FGF20: variants seen among roughly 807,000 people sequenced by gnomAD.
The protein encoded by FGF20 is fibroblast growth factor 20.
Under a neutral mutation model 16.7 loss-of-function variants are expected in FGF20, and 8 were observed. The ratio of observed to expected loss-of-function variants is 0.48; its 90% CI spans 0.28 to 0.87. The LOEUF (loss-of-function observed/expected upper bound fraction) is 0.87, where lower values mean the gene tolerates loss of function less well. Among genes scored for constraint, FGF20 ranks in the 40% least tolerant of loss-of-function variants. FGF20 has a pLI of 0.10. For missense variants in FGF20, 397 were observed against 281.4 expected (o/e 1.41, Z -2.94); for synonymous variants, 161 against 118.6 (o/e 1.36, Z -2.32).
rs1396779442 is a variant in FGF20 at position 16,992,985 on chromosome 8, G to A, written c.*87C>T. 6.3e-6 allele frequency: 9 copies of A among 1,428,948 alleles called. No homozygotes were observed. Among genetic ancestry groups the A allele is most frequent in the East Asian group, 2.3e-5 (1 of 43,226 alleles). 88.5% of individuals were successfully genotyped at this position (1,428,948 alleles called of 1,614,324 possible). A position where few individuals can be genotyped will look rare whatever the true frequency, so the allele number is the denominator to read the frequency against. ...GAAAATAGACTTTAATATTTTGAAC[G>A]TCTCCTTGGGTCATTATTTTATGAT... On this transcript the variant is annotated 3_prime_UTR_variant, in exon 3 of 3. Coordinates refer to ENST00000180166, the MANE Select transcript of FGF20 (RefSeq NM_019851.3).
At chr8:16,996,433 A>G (rs1810048867) in intron 1 of FGF20, among the ~76,000 whole-genome samples, 1 of 152,148 alleles carries the variant, frequency 6.6e-6, no homozygotes, top group Admixed American at 6.5e-5. Context: ...ACCTCCTCAT[A>G]TGCAAAATGG....
Position 17,001,736 on chromosome 8 carries a change from C to T in FGF20, c.286+11G>A, listed in dbSNP as rs1300877852. 2.5e-6 allele frequency: 4 copies of T among 1,573,506 alleles called. No individual in the cohort carries two copies. Among genetic ancestry groups the T allele is most frequent in the Middle Eastern group, 2.3e-4 (1 of 4,390 alleles). ...CGCAGATGGGGGTGGGGTCGGGATG[C>T]TAGTACGTACCGAAGAGGCTGTGGT... On this transcript the variant is annotated intron_variant, in intron 1 of 2. Transcript: ENST00000180166.
chr8:16,998,762 T>C (rs1810115359), intron 1 of FGF20, among the ~76,000 whole-genome samples: 1 of 152,100 alleles, frequency 6.6e-6, no homozygotes. Context: ...GGCTAAACTT[T>C]TTTTTTTTCA....
chr8:16,997,639 T>C (rs1256919024), intron 1 of FGF20, among the ~76,000 whole-genome samples: 1 of 152,130 alleles, frequency 6.6e-6, no homozygotes, highest in Non-Finnish European at 1.5e-5. Flanking sequence ...AAATAGTCTA[T>C]AAGTGGCTTG....
At chr8:16,994,266 A>G (rs538648310) in intron 2 of FGF20, among the ~76,000 whole-genome samples, 9 of 152,326 alleles carry the variant, frequency 5.9e-5, no homozygotes, top group African/African-American at 2.2e-4. Flanking sequence ...GCTAAGAACC[A>G]AATTCCAAAT....
chr8:16,994,079 T>C (rs1381818612), intron 2 of FGF20, among the ~76,000 whole-genome samples: 2 of 152,094 alleles, frequency 1.3e-5, no homozygotes, highest in Admixed American at 1.3e-4. Flanking sequence ...CAAATGTCAG[T>C]TCCCAATTTT....
In FGF20 at chr8:17,002,046, C is replaced by A; in HGVS notation, c.-14G>T. 2.0e-6 allele frequency: 3 copies of A among 1,533,382 alleles called. No individual in the cohort carries two copies. The highest frequency in any genetic ancestry group is 2.0e-5 in the Admixed American group (1 of 49,390). 95.0% of individuals were successfully genotyped at this position (1,533,382 alleles called of 1,614,324 possible). On this transcript the variant is annotated 5_prime_UTR_variant, in exon 1 of 3. Coordinates refer to ENST00000180166, the MANE Select transcript of FGF20 (RefSeq NM_019851.3). Reference sequence around the variant, plus strand: ...TAAGGGAGCCATGGAGGGGGAGATCCGGAACACAAAAGACCCCCCCAGTAA... The same window carrying A: ...TAAGGGAGCCATGGAGGGGGAGATCAGGAACACAAAAGACCCCCCCAGTAA...
At position 16,993,160 on chromosome 8, in the gene FGF20, C is replaced by T. The variant is rs753990768; in HGVS notation, c.548G>A (p.Arg183Lys). The T allele has an allele frequency of 6.2e-5, 100 of 1,613,858 alleles. No individual in the cohort carries two copies. Among genetic ancestry groups the T allele is most frequent in the Non-Finnish European group, 8.0e-5 (94 of 1,179,994 alleles). Residue 183 changes from arginine (R) to lysine (K), a missense_variant, in exon 3 of 3, where the codon AGG (arginine) becomes AAG (lysine). By Grantham distance (26) the Arg-to-Lys change is conservative. Coordinates refer to ENST00000180166, the MANE Select transcript of FGF20 (RefSeq NM_019851.3). Reference protein sequence around the residue: ...GTPRDGARSKRHQKFTHFLPR... With the variant: ...GTPRDGARSKKHQKFTHFLPR... ...TAAGAAATGTGTAAATTTCTGATGC[C>T]TCTTGGACCTGGCGCCATCTCTTGG...
chr8:16,999,125 C>T (rs1378624905), intron 1 of FGF20, among the ~76,000 whole-genome samples: 2 of 152,250 alleles, frequency 1.3e-5, no homozygotes, highest in South Asian at 2.1e-4. Flanking sequence ...ATATTGAAGG[C>T]CGCTAGGATG....
chr8:17,001,142 G>T (rs541272983), intron 1 of FGF20, among the ~76,000 whole-genome samples: 1 of 148,888 alleles, frequency 6.7e-6, no homozygotes, highest in Non-Finnish European at 1.5e-5. Context: ...ATGTGCCCAC[G>T]GAAAGTTAAT....
rs532205949 is a variant in FGF20, at chr8:16,995,686, C to G, written c.359G>C (p.Gly120Ala). ...ATAGAGTTCTCCTTTGTCATTCATT[C>G]CAAGATAGAGACCACTGTCCACACC... ...IRGVDSGLYL[G>A]MNDKGELYGS... The change falls in exon 2 of 3, where the codon GGA becomes GCA. Residue 120 changes from glycine to alanine, a missense_variant. Transcript: ENST00000180166. The G allele has an allele frequency of 6.2e-7, 1 of 1,602,488 alleles. No individual in the cohort carries two copies. The highest frequency in any genetic ancestry group is 2.2e-5 in the East Asian group (1 of 44,784).
intron 1 of FGF20, among the ~76,000 whole-genome samples, chr8:16,996,181 T>G (rs774318494): frequency 6.6e-6 from 1 of 152,146 alleles, no homozygotes; most frequent in Non-Finnish European, 1.5e-5. Flanking sequence ...TTAGTTGTTT[T>G]TTTTTCCTTT....
chr8:16,992,828 T>A lies in FGF20; in HGVS notation c.*244A>T. The A allele has an allele frequency of 2.7e-6, 1 of 368,916 alleles. No individual in the cohort carries two copies. Among genetic ancestry groups the A allele is most frequent in the Non-Finnish European group, 4.8e-6 (1 of 209,732 alleles). 22.9% of individuals were successfully genotyped at this position (368,916 alleles called of 1,614,324 possible). On this transcript the variant is annotated 3_prime_UTR_variant, in exon 3 of 3. Coordinates refer to ENST00000180166, the MANE Select transcript of FGF20 (RefSeq NM_019851.3). The stretch of plus-strand genomic sequence containing the variant: ...GTTTAACAGATTTTTGGCTTCAGTC[T>A]ACTGGTAAGGACTAATCCAATGTAT...
intron 1 of FGF20, 22 bp downstream of exon 1, chr8:17,001,725 G>C (rs1014779014): frequency 5.8e-6 from 9 of 1,561,784 alleles, no homozygotes; most frequent in Non-Finnish European, 6.9e-6. Context: ...GATGGGGGTG[G>C]GGTCGGGATG....
At chr8:16,994,283 T>A (rs571358662) in intron 2 of FGF20, among the ~76,000 whole-genome samples, 43 of 152,178 alleles carry the variant, frequency 2.8e-4, no homozygotes, top group Non-Finnish European at 5.1e-4. Context: ...AAATTCATGA[T>A]CATCACTCCA....
intron 2 of FGF20, among the ~76,000 whole-genome samples, 186 bp from the exon 3 acceptor site, chr8:16,993,503 G>A (rs1156370524): frequency 2.6e-5 from 4 of 152,034 alleles, no homozygotes; most frequent in South Asian, 2.1e-4. Flanking sequence ...ACTTCATCTG[G>A]CAGTGTACTT....
chr8:16,993,648 C>T (rs1287841762), intron 2 of FGF20, among the ~76,000 whole-genome samples: 1 of 152,066 alleles, frequency 6.6e-6, no homozygotes, highest in Non-Finnish European at 1.5e-5. Context: ...ACTTCATTCC[C>T]ATTATTATTA....
At chr8:17,000,584 A>G (rs1194416759) in intron 1 of FGF20, among the ~76,000 whole-genome samples, 6 of 152,142 alleles carry the variant, frequency 3.9e-5, no homozygotes, top group Admixed American at 2.6e-4. Flanking sequence ...TTTTCCAATG[A>G]TGTCAAAAGT....
chr8:16,997,877 T>C (rs17515048), intron 1 of FGF20, among the ~76,000 whole-genome samples: 3,333 of 152,316 alleles, frequency 0.022, 110 homozygotes, highest in African/African-American at 0.075. Flanking sequence ...CAGGCTATAA[T>C]TACAAATGTA....
Sources: allele counts gnomAD v4.1 joint callset (sites outside exome capture counted in the v4.1 genomes callset), GRCh38; gene constraint gnomAD v4.1.1; transcripts MANE v1.5; gene names NCBI Gene and HGNC (gene_info 2026-07-23, HGNC 2026-07-21).